The following KCNIP4 variants were observed in gnomAD, a reference collection of about 807,000 sequenced individuals.
The protein encoded by KCNIP4 is potassium voltage-gated channel interacting protein 4.
KCNIP4 carries 12 observed loss-of-function variants against 34.0 expected under a neutral mutation model. That is an observed-to-expected ratio of 0.35 (90% confidence interval 0.23 to 0.57). The LOEUF (loss-of-function observed/expected upper bound fraction) is 0.57. Among genes scored for constraint, KCNIP4 ranks in the 20% least tolerant of loss-of-function variants. The pLI, the probability that KCNIP4 is intolerant of heterozygous loss-of-function variation, is 0.83. For synonymous variants in KCNIP4, 124 were observed against 102.2 expected, an observed-to-expected ratio of 1.21 and a Z score of -1.29; for missense variants, 238 against 311.7, an observed-to-expected ratio of 0.76 and a Z score of 1.78.
intron 5 of KCNIP4, among the ~76,000 whole-genome samples, chr4:20,736,869 C>A (rs1205882148): frequency 1.3e-5 from 2 of 152,092 alleles, no homozygotes; most frequent in Admixed American, 6.5e-5. Flanking sequence ...GAAAGAAAAA[C>A]AAACTTGGAG....
intron 1 of KCNIP4, among the ~76,000 whole-genome samples, chr4:21,255,413 C>T (rs1268485152): frequency 6.6e-6 from 1 of 152,080 alleles, no homozygotes; most frequent in African/African-American, 2.4e-5. Flanking sequence ...CCTCTCCTCC[C>T]AATGCTGCTC....
At chr4:21,107,970 C>T (rs927199497) in intron 1 of KCNIP4, among the ~76,000 whole-genome samples, 1 of 151,444 alleles carries the variant, frequency 6.6e-6, no homozygotes, top group Admixed American at 6.6e-5. Flanking sequence ...GAGAAATCTG[C>T]TGTTAGTCTG....
At chr4:21,045,434 G>A (rs922714882) in intron 1 of KCNIP4, among the ~76,000 whole-genome samples, 3 of 152,314 alleles carry the variant, frequency 2.0e-5, no homozygotes, top group South Asian at 2.1e-4. Flanking sequence ...CCTAATCTCC[G>A]TGATCTGCTT....
chr4:21,863,446 G>T (rs1374084622), intron 1 of KCNIP4, among the ~76,000 whole-genome samples: 2 of 152,138 alleles, frequency 1.3e-5, no homozygotes, highest in African/African-American at 4.8e-5. Flanking sequence ...CTCTCAATTT[G>T]TAGGTAAGGG....
At chr4:20,995,973 G>C (rs1307389519) in intron 1 of KCNIP4, among the ~76,000 whole-genome samples, 2 of 152,176 alleles carry the variant, frequency 1.3e-5, no homozygotes, top group Non-Finnish European at 2.9e-5. Context: ...GGCAGGAGAG[G>C]AGTAAGAAAG....
chr4:21,923,706 G>A (rs886339751), intron 1 of KCNIP4, among the ~76,000 whole-genome samples: 7 of 152,116 alleles, frequency 4.6e-5, no homozygotes, highest in Non-Finnish European at 7.4e-5. Flanking sequence ...CTAGCCCACC[G>A]TGGGCTCATC....
rs1386367203 is a variant in KCNIP4 at position 21,098,369 on chromosome 4, C to G, written c.62-215660G>C. ...AAAATGTTATCTAGGACTTTCATAG[C>G]TGTGGAGAAGTCAATGTCTGGCTTC... is the stretch of plus-strand genomic sequence containing the variant. On this transcript the variant is annotated intron_variant, in intron 1 of 8. Coordinates refer to ENST00000382152, the MANE Select transcript of KCNIP4 (RefSeq NM_025221.6). 2.0e-5 allele frequency among the ~76,000 whole-genome samples: 3 copies of G among 152,168 alleles called. No homozygotes were observed. The East Asian group carries it at 5.8e-4, about 29-fold the overall frequency.
chr4:20,822,775 TTA>T (rs1717268626), intron 3 of KCNIP4, among the ~76,000 whole-genome samples: 1 of 152,112 alleles, frequency 6.6e-6, no homozygotes. Flanking sequence ...CCTCCAAAAT[TTA>T]TATGTCAGAA....
intron 1 of KCNIP4, among the ~76,000 whole-genome samples, chr4:21,144,197 C>G (rs539553640): frequency 6.6e-6 from 1 of 152,188 alleles, no homozygotes; most frequent in Non-Finnish European, 1.5e-5. Flanking sequence ...TGTCAGTTCA[C>G]GTTGGCATTA....
At chr4:20,845,881 A>G (rs55934998) in intron 3 of KCNIP4, among the ~76,000 whole-genome samples, 54,590 of 152,040 alleles carry the variant, frequency 0.36, 10,293 homozygotes, top group Non-Finnish European at 0.42. Context: ...CACGATCCAG[A>G]AAGAAATGCA....
intron 1 of KCNIP4, among the ~76,000 whole-genome samples, chr4:21,388,595 C>T (rs1722254328): frequency 6.6e-6 from 1 of 152,090 alleles, no homozygotes; most frequent in African/African-American, 2.4e-5. Context: ...AGTTGTGCAA[C>T]AGTCACCACA....
intron 1 of KCNIP4, among the ~76,000 whole-genome samples, chr4:20,961,963 C>A (rs758944875): frequency 1.3e-5 from 2 of 152,230 alleles, no homozygotes; most frequent in African/African-American, 2.4e-5. Context: ...CCAAAGACAC[C>A]TTTTCTCCCA....
At chr4:21,661,146 G>A (rs1007761354) in intron 1 of KCNIP4, among the ~76,000 whole-genome samples, 2 of 152,208 alleles carry the variant, frequency 1.3e-5, no homozygotes, top group African/African-American at 2.4e-5. Context: ...CATCAGCCAC[G>A]GGACGGCTGA....
chr4:20,909,745 G>A (rs1009481823), intron 1 of KCNIP4, among the ~76,000 whole-genome samples: 4 of 152,144 alleles, frequency 2.6e-5, no homozygotes, highest in Non-Finnish European at 5.9e-5. Context: ...GTGATACAAT[G>A]AGACACTTAC....
chr4:21,433,707 G>T (rs909637451), intron 1 of KCNIP4, among the ~76,000 whole-genome samples: 1 of 152,088 alleles, frequency 6.6e-6, no homozygotes, highest in African/African-American at 2.4e-5. Context: ...CAGCCTTCTA[G>T]TCTATCTCCA....
At chr4:21,686,687 C>T (rs75865584) in intron 1 of KCNIP4, among the ~76,000 whole-genome samples, 2,467 of 152,196 alleles carry the variant, frequency 0.016, 67 homozygotes, top group African/African-American at 0.057. Flanking sequence ...TCATCTATAA[C>T]CATTTTTTAT....
chr4:21,429,693 C>T (rs1278227591), intron 1 of KCNIP4, among the ~76,000 whole-genome samples: 1 of 152,080 alleles, frequency 6.6e-6, no homozygotes, highest in Non-Finnish European at 1.5e-5. Context: ...AATAGTGTCC[C>T]ATTTTTGTTT....
At chr4:20,817,521 C>A (rs1716559161) in intron 3 of KCNIP4, among the ~76,000 whole-genome samples, 1 of 152,128 alleles carries the variant, frequency 6.6e-6, no homozygotes, top group African/African-American at 2.4e-5. Context: ...AATCAAATAT[C>A]ACCTTCCCCC....
At chr4:21,228,285 C>T (rs1432894269) in intron 1 of KCNIP4, among the ~76,000 whole-genome samples, 8 of 152,106 alleles carry the variant, frequency 5.3e-5, no homozygotes, top group Non-Finnish European at 8.8e-5. Context: ...AAATGTGTGG[C>T]ACTTCCCCTG....
Sources: gnomAD v4.1 joint callset for allele counts (sites outside exome capture counted in the v4.1 genomes callset) on GRCh38, gnomAD v4.1.1 for gene constraint, MANE v1.5 for transcripts, NCBI Gene and HGNC (gene_info 2026-07-23, HGNC 2026-07-21) for gene names.